Variants in ADGRB3 observed in about 807,000 individuals in gnomAD.
ADGRB3 encodes brain-specific angiogenesis inhibitor 3.
ADGRB3 carries 37 observed loss-of-function variants against 193.4 expected under a neutral mutation model. The observed-to-expected ratio is 0.19, with a 90% CI of 0.15 to 0.25. The LOEUF is 0.25. Ranked by LOEUF, ADGRB3 falls within the 10% of genes least tolerant of loss-of-function variation. The probability of loss-of-function intolerance (pLI) is 1.00; values close to 1 mark genes in which losing one functional copy is unlikely to be tolerated. For synonymous variants in ADGRB3, 690 were observed against 644.2 expected (o/e 1.07, Z -1.08); for missense variants, 1,637 against 1,852.9 (o/e 0.88, Z 2.14).
At chr6:68,804,580 T>A (rs182741405) in intron 3 of ADGRB3, among the ~76,000 whole-genome samples, 1 of 152,280 alleles carries the variant, frequency 6.6e-6, no homozygotes, top group Non-Finnish European at 1.5e-5. Flanking sequence ...ATTCATTTGA[T>A]AAGATTCTGT....
chr6:69,097,276 C>T (rs1772908774), intron 17 of ADGRB3, among the ~76,000 whole-genome samples: 1 of 152,164 alleles, frequency 6.6e-6, no homozygotes, highest in South Asian at 2.1e-4. Context: ...TTAAACATTT[C>T]CAATGAATGG....
At chr6:69,039,519 C>A (rs1770967910) in intron 13 of ADGRB3, among the ~76,000 whole-genome samples, 1 of 151,954 alleles carries the variant, frequency 6.6e-6, no homozygotes, top group African/African-American at 2.4e-5. Context: ...GTCTCCATTG[C>A]AATTACTCAA....
intron 3 of ADGRB3, among the ~76,000 whole-genome samples, chr6:68,796,420 A>T (rs1403991391): frequency 6.6e-6 from 1 of 152,172 alleles, no homozygotes; most frequent in Non-Finnish European, 1.5e-5. Context: ...TGGGGTTACA[A>T]GTATCCTCAT....
At chr6:68,807,228 CTTTTTTCTTTTTTTTTTT>C (rs1562037713) in intron 3 of ADGRB3, among the ~76,000 whole-genome samples, 1 of 94,670 alleles carries the variant, frequency 1.1e-5, no homozygotes, top group East Asian at 3.4e-4. Flanking sequence ...TTTCTTTTTT[CTTTTTTCTTTTTTTTTTT>C]TTTTTTTTTG....
At chr6:69,331,883 A>C (rs2127314319) in intron 23 of ADGRB3, 1 of 985,098 alleles carries the variant, frequency 1.0e-6, no homozygotes, top group Admixed American at 6.1e-5. Context: ...TAGATGAATA[A>C]GTATTCTCTT....
At chr6:69,267,769 A>C in intron 20 of ADGRB3, among the ~76,000 whole-genome samples, 1 of 152,148 alleles carries the variant, frequency 6.6e-6, no homozygotes, top group East Asian at 1.9e-4. Context: ...TAATTACATT[A>C]CCCTGCCAAG....
At chr6:69,335,230 C>T (rs1401640311) in intron 24 of ADGRB3, among the ~76,000 whole-genome samples, 1 of 151,950 alleles carries the variant, frequency 6.6e-6, no homozygotes, top group Non-Finnish European at 1.5e-5. Context: ...TCATATAGCT[C>T]TTTATAAGAG....
rs77009888 is a variant in ADGRB3, at chr6:69,196,370, G to T, written c.2481-36920G>T. On this transcript the variant is annotated intron_variant, in intron 17 of 31. Transcript: ENST00000370598. The stretch of plus-strand genomic sequence containing the variant: ...TTGGGCTACCATAACAAAGTACCAC[G>T]GTTTGCATGGCTTAGACAACAGAAA... 4.0e-3 allele frequency among the ~76,000 whole-genome samples: 610 copies of T among 152,120 alleles called. 14 individuals are homozygous for T. In the East Asian group the frequency reaches 0.056, roughly 14 times the overall value.
chr6:69,074,600 G>A (rs1445004210), intron 16 of ADGRB3, among the ~76,000 whole-genome samples: 1 of 150,602 alleles, frequency 6.6e-6, no homozygotes, highest in Non-Finnish European at 1.5e-5. Context: ...GAGTGCAGTG[G>A]CACGATCTCG....
intron 17 of ADGRB3, among the ~76,000 whole-genome samples, chr6:69,219,891 G>A (rs1001037252): frequency 6.6e-6 from 1 of 151,802 alleles, no homozygotes; most frequent in African/African-American, 2.4e-5. Context: ...TATAGTAATG[G>A]GTCTGCAGTA....
chr6:68,838,311 T>TTTA lies in ADGRB3; in HGVS notation c.758-92246_758-92245insATT, dbSNP rs1768084584. On this transcript the variant is annotated intron_variant, in intron 3 of 31. Transcript: ENST00000370598. ...ATGAGCTTACTGTGACTGTCCTCCC[T>TTTA]TTGTAGCTCATTTATAAACTGTAAA... Among the ~76,000 whole-genome samples the TTTA allele has an allele frequency of 2.0e-5, 3 of 152,198 alleles. No homozygotes were observed. In the South Asian group the frequency reaches 6.2e-4, roughly 31 times the overall value.
chr6:69,357,095 A>C (rs959686277), intron 28 of ADGRB3, among the ~76,000 whole-genome samples: 1 of 151,946 alleles, frequency 6.6e-6, no homozygotes, highest in Non-Finnish European at 1.5e-5. Flanking sequence ...TTCATCCTTC[A>C]TTTCTTGTAG....
intron 17 of ADGRB3, among the ~76,000 whole-genome samples, chr6:69,194,124 CA>C (rs1252630751): frequency 1.3e-5 from 2 of 151,884 alleles, no homozygotes; most frequent in Non-Finnish European, 2.9e-5. Flanking sequence ...CCGGTGTGGC[CA>C]TAAATTTCTA....
intron 3 of ADGRB3, among the ~76,000 whole-genome samples, chr6:68,772,891 AAAAATATATATAT>A (rs1488323193): frequency 0.016 from 571 of 35,806 alleles, 16 homozygotes; most frequent in Non-Finnish European, 0.021. Flanking sequence ...ACAAAAAAAA[AAAAATATATATAT>A]ATATATATAT....
chr6:68,758,205 A>G (rs1252888566), intron 3 of ADGRB3, among the ~76,000 whole-genome samples: 1 of 152,040 alleles, frequency 6.6e-6, no homozygotes, highest in Non-Finnish European at 1.5e-5. Context: ...TGTTTAACAC[A>G]TTTTTGGTAC....
intron 20 of ADGRB3, among the ~76,000 whole-genome samples, chr6:69,283,137 G>C (rs1186851754): frequency 6.6e-6 from 1 of 152,172 alleles, no homozygotes; most frequent in Non-Finnish European, 1.5e-5. Context: ...GATAAGCCTG[G>C]AAAAATAATT....
intron 17 of ADGRB3, among the ~76,000 whole-genome samples, chr6:69,220,165 C>T (rs1765862875): frequency 6.6e-6 from 1 of 151,872 alleles, no homozygotes; most frequent in South Asian, 2.1e-4. Flanking sequence ...TTTTTAGGTA[C>T]TTTGCTTTCT....
At chr6:69,283,871 G>A (rs1228194991) in intron 20 of ADGRB3, among the ~76,000 whole-genome samples, 3 of 152,204 alleles carry the variant, frequency 2.0e-5, no homozygotes, top group Admixed American at 1.3e-4. Context: ...TTTAGGCAGC[G>A]GTGTCAATTG....
intron 17 of ADGRB3, among the ~76,000 whole-genome samples, chr6:69,079,610 C>T (rs9342740): frequency 0.68 from 102,696 of 151,840 alleles, 35,677 homozygotes; most frequent in East Asian, 0.96. Flanking sequence ...AAAGGGTATG[C>T]GACTAGGAAA....
Sources: allele counts gnomAD v4.1 joint callset (sites outside exome capture counted in the v4.1 genomes callset), GRCh38; gene constraint gnomAD v4.1.1; transcripts MANE v1.5; gene names NCBI Gene and HGNC (gene_info 2026-07-23, HGNC 2026-07-21).